SLC26A5: variants seen among roughly 807,000 people sequenced by gnomAD.
The protein encoded by SLC26A5 is solute carrier family 26 member 5, also known as prestin.
In SLC26A5, 51 loss-of-function variants were observed where a neutral mutation model predicts 81.0. That is an observed-to-expected ratio of 0.63 (90% CI 0.50 to 0.80). The LOEUF (loss-of-function observed/expected upper bound fraction) is 0.80, where lower values mean the gene tolerates loss of function less well. Ranked by LOEUF, SLC26A5 falls within the 30% of genes least tolerant of loss-of-function variation. SLC26A5 has a pLI of 0.00. For synonymous variants in SLC26A5, 325 were observed against 332.8 expected (o/e 0.98, Z 0.25); for missense variants, 771 against 905.8 (o/e 0.85, Z 1.91).
At position 103,367,687 on chromosome 7, in the gene SLC26A5, A is replaced by G; in HGVS notation, c.2041+9121T>C. 6.2e-7 allele frequency: 1 copy of G among 1,608,588 alleles called. No individual in the cohort carries two copies. Among genetic ancestry groups the G allele is most frequent in the Non-Finnish European group, 8.5e-7 (1 of 1,177,896 alleles). On this transcript the variant is annotated intron_variant, in intron 19 of 19. Coordinates refer to the SLC26A5 transcript ENST00000339444. The surrounding 1 kb of genome is among the most constrained non-coding windows in gnomAD (Gnocchi z 6.1). ...CTTCCTGTGATTTTTTTCCATTTTA[A>G]TATTTGTCAATTTTCTCATTTTTAG...
chr7:103,361,949 T>C (rs1467756078), intron 19 of SLC26A5: 1 of 1,593,634 alleles, frequency 6.3e-7, no homozygotes, highest in Non-Finnish European at 8.5e-7. Flanking sequence ...AGCTTTTTGC[T>C]GTGTTAGGTG....
At chr7:103,365,241 T>C (rs1387091050) in intron 19 of SLC26A5, among the ~76,000 whole-genome samples, 1 of 152,170 alleles carries the variant, frequency 6.6e-6, no homozygotes, top group South Asian at 2.1e-4. Flanking sequence ...AACCTATTGC[T>C]ATTTAATAGA....
At chr7:103,441,762 C>T (rs58199198) in intron 2 of SLC26A5, among the ~76,000 whole-genome samples, 3,381 of 152,262 alleles carry the variant, frequency 0.022, 120 homozygotes, top group East Asian at 0.18. Context: ...AGAATTACAC[C>T]TAATTCAGTC....
intron 3 of SLC26A5, 113 bp from the exon 4 acceptor site, chr7:103,420,990 C>T: frequency 8.4e-7 from 1 of 1,195,182 alleles, no homozygotes; most frequent in Non-Finnish European, 1.2e-6. Context: ...GAAAAATTTC[C>T]AATTGGTGAT....
chr7:103,364,996 G>A (rs1820634156), intron 19 of SLC26A5, among the ~76,000 whole-genome samples: 1 of 110,270 alleles, frequency 9.1e-6, no homozygotes, highest in African/African-American at 3.5e-5. Flanking sequence ...TAGAGAATAA[G>A]TCTAGGGCTA....
Position 103,352,856 on chromosome 7 carries a change from A to G in SLC26A5, c.*54T>C, listed in dbSNP as rs762757241. ...TTCAAACCCTGTCCACCTGGCCCCAAAGCCTGAACTGCTTGGATTACACGG... is the reference window on the plus strand; with the variant it reads ...TTCAAACCCTGTCCACCTGGCCCCAGAGCCTGAACTGCTTGGATTACACGG... On this transcript the variant is annotated 3_prime_UTR_variant, in exon 20 of 20. Transcript: ENST00000339444. 6.4e-6 allele frequency: 5 copies of G among 780,796 alleles called. No individual in the cohort carries two copies. The East Asian group carries it at 9.7e-5, about 15-fold the overall frequency. The allele number at this position is 780,796 out of a possible 1,614,324, so 48.4% of individuals were successfully genotyped here.
At chr7:103,404,364 T>G (rs893503983) in intron 8 of SLC26A5, among the ~76,000 whole-genome samples, 2 of 152,176 alleles carry the variant, frequency 1.3e-5, no homozygotes, top group Non-Finnish European at 2.9e-5. Flanking sequence ...CAGGAGCTCT[T>G]GTAAGGCAGG....
At chr7:103,401,099 A>C (rs1037586810) in intron 8 of SLC26A5, among the ~76,000 whole-genome samples, 9 of 152,228 alleles carry the variant, frequency 5.9e-5, no homozygotes, top group Admixed American at 4.6e-4. Flanking sequence ...TCTGTGAAGA[A>C]AGTCAGTGGT....
intron 8 of SLC26A5, among the ~76,000 whole-genome samples, chr7:103,403,227 G>A (rs1041605266): frequency 1.3e-5 from 2 of 152,180 alleles, no homozygotes; most frequent in African/African-American, 4.8e-5. Flanking sequence ...ACTGCACTGT[G>A]GTCTGACAGA....
intron 8 of SLC26A5, among the ~76,000 whole-genome samples, chr7:103,405,236 G>A (rs978280261): frequency 6.6e-6 from 1 of 152,156 alleles, no homozygotes; most frequent in Non-Finnish European, 1.5e-5. Context: ...CTGGTGAAGA[G>A]TTGTGATCCT....
At chr7:103,410,772 A>T (rs547339197) in intron 6 of SLC26A5, among the ~76,000 whole-genome samples, 1 of 152,202 alleles carries the variant, frequency 6.6e-6, no homozygotes, top group South Asian at 2.1e-4. Context: ...CTGGGACTAA[A>T]GGTGTGTGCC....
At chr7:103,370,404 AC>A (rs1354460013), downstream of SLC26A5, among the ~76,000 whole-genome samples, 5 of 123,848 alleles carry the variant, frequency 4.0e-5, no homozygotes, top group East Asian at 5.3e-4. Context: ...CAACACACAC[AC>A]AAAAACACAC....
intron 17 of SLC26A5, among the ~76,000 whole-genome samples, chr7:103,378,055 C>T (rs552445570): frequency 2.0e-5 from 3 of 152,242 alleles, no homozygotes; most frequent in African/African-American, 4.8e-5. Flanking sequence ...CCACTCTCCT[C>T]AGTTATCCTA....
chr7:103,372,076 T>C (rs1821077149), downstream of SLC26A5, among the ~76,000 whole-genome samples: 1 of 152,236 alleles, frequency 6.6e-6, no homozygotes, highest in South Asian at 2.1e-4. Context: ...CAAAAGTTTC[T>C]AGTGTAAGCT....
intron 2 of SLC26A5, among the ~76,000 whole-genome samples, chr7:103,442,408 G>C (rs1025374393): frequency 3.9e-5 from 6 of 152,168 alleles, no homozygotes; most frequent in African/African-American, 1.4e-4. Flanking sequence ...AAAGTGCTGG[G>C]ATTACAGGTG....
downstream of SLC26A5, among the ~76,000 whole-genome samples, chr7:103,371,588 G>T: frequency 6.7e-6 from 1 of 150,154 alleles, no homozygotes; most frequent in Admixed American, 6.7e-5. Flanking sequence ...GCCTCCCAAA[G>T]TACTGGATTA....
At chr7:103,426,233 G>C (rs1825703921) in intron 2 of SLC26A5, among the ~76,000 whole-genome samples, 1 of 152,150 alleles carries the variant, frequency 6.6e-6, no homozygotes, top group Admixed American at 6.6e-5. Context: ...TCAGGCAAAT[G>C]CAGTCTTAAC....
At position 103,387,750 on chromosome 7, in the gene SLC26A5, C is replaced by T. The variant is rs539431295; in HGVS notation, c.1514+1258G>A. On this transcript the variant is annotated intron_variant, in intron 14 of 19. Transcript: ENST00000306312. ...AAGCTGGAGTGCAATGGCACGACCT[C>T]GGCTCACTGCAACCTCTGCCTCCCA... Among the ~76,000 whole-genome samples, 37 of 152,210 alleles carry T rather than the reference C, an allele frequency of 2.4e-4. No homozygotes were observed. The East Asian group carries it at 6.6e-3, about 27-fold the overall frequency.
rs1316615511 is a variant in SLC26A5 at position 103,367,685 on chromosome 7, T to C, written c.2041+9123A>G. On this transcript the variant is annotated intron_variant, in intron 19 of 19. Coordinates refer to the SLC26A5 transcript ENST00000339444. This position sits in a 1 kb window ranked among gnomAD's most constrained non-coding sequence, Gnocchi z 6.1. ...TTCTTCCTGTGATTTTTTTCCATTT[T>C]AATATTTGTCAATTTTCTCATTTTT... 1 of 1,608,622 alleles carries C rather than the reference T, an allele frequency of 6.2e-7. No individual in the cohort carries two copies. The highest frequency in any genetic ancestry group is 1.1e-5 in the South Asian group (1 of 90,050).
Sources: gnomAD v4.1 joint callset for allele counts (sites outside exome capture counted in the v4.1 genomes callset) on GRCh38, gnomAD v4.1.1 for gene constraint, Gnocchi (gnomAD v3.1) non-coding constraint, MANE v1.5 for transcripts, NCBI Gene and HGNC (gene_info 2026-07-23, HGNC 2026-07-21) for gene names.